Variants in DPYD observed in about 807,000 individuals in gnomAD.
DPYD encodes dihydropyrimidine dehydrogenase.
In DPYD, 109 loss-of-function variants were observed where a neutral mutation model predicts 116.2. The observed-to-expected ratio is 0.94, with a 90% CI of 0.80 to 1.10. The LOEUF is 1.10. Ranked by LOEUF, DPYD falls within the 50% of genes least tolerant of loss-of-function variation. The pLI, the probability that DPYD is intolerant of heterozygous loss-of-function variation, is 0.00. For missense variants in DPYD, 1,302 were observed against 1,254.5 expected (o/e 1.04, Z -0.57); for synonymous variants, 440 against 432.0 (o/e 1.02, Z -0.23).
intron 20 of DPYD, among the ~76,000 whole-genome samples, chr1:97,187,236 C>T (rs7531100): frequency 0.61 from 92,326 of 151,920 alleles, 28,661 homozygotes; most frequent in East Asian, 0.99. Context: ...TCCTCACCTA[C>T]ATCTGTTATT....
intron 19 of DPYD, among the ~76,000 whole-genome samples, chr1:97,207,507 C>T (rs550985439): frequency 1.3e-5 from 2 of 152,210 alleles, no homozygotes; most frequent in African/African-American, 4.8e-5. Context: ...GTCTGGATGC[C>T]TGAGTCTTAT....
At chr1:97,475,121 T>G (rs1354757827) in intron 13 of DPYD, among the ~76,000 whole-genome samples, 1 of 152,148 alleles carries the variant, frequency 6.6e-6, no homozygotes, top group Admixed American at 6.5e-5. Context: ...AGGGCAATGA[T>G]TGCGGCATCA....
intron 18 of DPYD, among the ~76,000 whole-genome samples, chr1:97,256,779 T>C (rs1350328197): frequency 6.6e-6 from 1 of 152,114 alleles, no homozygotes; most frequent in African/African-American, 2.4e-5. Context: ...CTCAGACACC[T>C]TAGCACTAAG....
chr1:97,495,793 T>C (rs1321516322), intron 13 of DPYD, among the ~76,000 whole-genome samples: 1 of 152,100 alleles, frequency 6.6e-6, no homozygotes, highest in Non-Finnish European at 1.5e-5. Flanking sequence ...CTTTTCCCCT[T>C]TCTATGTTAG....
chr1:97,597,427 T>C (rs1021461054), intron 8 of DPYD, among the ~76,000 whole-genome samples: 3 of 152,182 alleles, frequency 2.0e-5, no homozygotes, highest in Non-Finnish European at 4.4e-5. Context: ...CAGACTTTGG[T>C]ATGAGTCCTT....
At chr1:97,464,145 A>G (rs1443657618) in intron 13 of DPYD, among the ~76,000 whole-genome samples, 2 of 152,016 alleles carry the variant, frequency 1.3e-5, no homozygotes, top group South Asian at 2.1e-4. Context: ...AGGCTGAGGC[A>G]GGAGAATCAC....
chr1:97,221,319 T>C (rs1297478337), intron 19 of DPYD, among the ~76,000 whole-genome samples: 1 of 152,074 alleles, frequency 6.6e-6, no homozygotes, highest in Non-Finnish European at 1.5e-5. Context: ...CAGAGACAAA[T>C]TATAGAATAG....
intron 18 of DPYD, among the ~76,000 whole-genome samples, chr1:97,245,221 A>G (rs898571956): frequency 6.6e-6 from 1 of 152,126 alleles, no homozygotes; most frequent in Non-Finnish European, 1.5e-5. Flanking sequence ...TAGTATGTGC[A>G]TGTAAGAAAG....
chr1:97,847,753 G>T lies in DPYD; in HGVS notation c.151-19557C>A, dbSNP rs867505162. ...GAAAGAAATACTATATACATTGTAG[G>T]GGTGGGCTGCGAGCTAATACAGCAT... On this transcript the variant is annotated intron_variant, in intron 2 of 22. Transcript: ENST00000370192. Among the ~76,000 whole-genome samples, 7 of 152,206 alleles carry T rather than the reference G, an allele frequency of 4.6e-5. No individual in the cohort carries two copies. The South Asian group carries it at 1.5e-3, about 32-fold the overall frequency.
chr1:97,691,918 A>G, intron 6 of DPYD, 120 bp from the exon 7 acceptor site: 5 of 759,184 alleles, frequency 6.6e-6, no homozygotes, highest in Non-Finnish European at 1.1e-5. Context: ...TCTTCCAAGG[A>G]TATTTATATA....
At chr1:97,899,846 C>A (rs903613570) in intron 1 of DPYD, among the ~76,000 whole-genome samples, 3 of 152,054 alleles carry the variant, frequency 2.0e-5, no homozygotes, top group African/African-American at 7.2e-5. Context: ...AAATCAGCTG[C>A]ATCAGAATAT....
chr1:97,110,031 C>T (rs1366438684), intron 20 of DPYD, among the ~76,000 whole-genome samples: 3 of 152,022 alleles, frequency 2.0e-5, no homozygotes, highest in African/African-American at 4.8e-5. Flanking sequence ...CTAGGTCTCC[C>T]AACTCCAAGC....
chr1:97,429,901 A>T lies in DPYD; in HGVS notation c.1905+20158T>A, dbSNP rs543223940. ...TTGTGGAGAAGGGGGGGTAATCAAT[A>T]ATCAAAATCATATTTAAGAAAAGAA... On this transcript the variant is annotated intron_variant, in intron 14 of 22. Coordinates refer to ENST00000370192, the MANE Select transcript of DPYD (RefSeq NM_000110.4). 9.7e-4 allele frequency among the ~76,000 whole-genome samples: 147 copies of T among 152,220 alleles called. 1 individual carries two copies. The highest frequency in any genetic ancestry group is 5.3e-3 in the Admixed American group (81 of 15,270).
At chr1:97,626,263 T>C (rs1455737722) in intron 8 of DPYD, among the ~76,000 whole-genome samples, 7 of 152,070 alleles carry the variant, frequency 4.6e-5, no homozygotes. Context: ...AGCTCTAATC[T>C]AAGTTGCAAC....
Position 97,104,179 on chromosome 1 carries a change from A to G in DPYD, c.2623-5547T>C, listed in dbSNP as rs188855508. On this transcript the variant is annotated intron_variant, in intron 20 of 22. Coordinates refer to ENST00000370192, the MANE Select transcript of DPYD (RefSeq NM_000110.4). The stretch of plus-strand genomic sequence containing the variant: ...ACAGGTAACTTTGATCCAGCACATA[A>G]TAGGTGCTGAATATAATTTTTCAAA... 3.9e-5 allele frequency among the ~76,000 whole-genome samples: 6 copies of G among 152,222 alleles called. No homozygotes were observed. The East Asian group carries it at 9.7e-4, about 25-fold the overall frequency.
At chr1:97,406,398 A>G (rs896554003) in intron 14 of DPYD, among the ~76,000 whole-genome samples, 1 of 149,434 alleles carries the variant, frequency 6.7e-6, no homozygotes, top group Non-Finnish European at 1.5e-5. Flanking sequence ...ATTTTTATTT[A>G]TTTATTTATT....
At chr1:97,650,847 T>TACACACAC (rs552228084) in intron 8 of DPYD, among the ~76,000 whole-genome samples, 2 of 149,448 alleles carry the variant, frequency 1.3e-5, no homozygotes, top group East Asian at 2.0e-4. Flanking sequence ...AAGGTGTGTA[T>TACACACAC]ACACACACAC....
chr1:97,556,311 C>T (rs1472356946), intron 11 of DPYD, among the ~76,000 whole-genome samples: 4 of 148,438 alleles, frequency 2.7e-5, no homozygotes, highest in Admixed American at 1.3e-4. Flanking sequence ...GTCATTGCTG[C>T]TTTTTTCTAT....
intron 18 of DPYD, among the ~76,000 whole-genome samples, chr1:97,260,784 G>T (rs546390553): frequency 1.3e-5 from 2 of 152,208 alleles, no homozygotes; most frequent in Middle Eastern, 3.4e-3. Context: ...GTTATATTTT[G>T]CTGGAGAGAG....
Sources: gnomAD v4.1 joint callset for allele counts (sites outside exome capture counted in the v4.1 genomes callset) on GRCh38, gnomAD v4.1.1 for gene constraint, MANE v1.5 for transcripts, NCBI Gene and HGNC (gene_info 2026-07-23, HGNC 2026-07-21) for gene names.